The following TRABD variants were observed in gnomAD, a reference collection of about 807,000 sequenced individuals.
TRABD encodes the protein TraB domain containing.
A neutral mutation model predicts 39.6 loss-of-function variants in TRABD; 23 were observed. That is an observed-to-expected ratio of 0.58 (90% CI 0.42 to 0.82). The LOEUF (loss-of-function observed/expected upper bound fraction) is 0.82, where lower values mean the gene tolerates loss of function less well. Among genes scored for constraint, TRABD ranks in the 40% least tolerant of loss-of-function variants. The pLI is 0.00. For synonymous variants in TRABD, 243 were observed against 232.1 expected, an observed-to-expected ratio of 1.05 and a Z score of -0.43; for missense variants, 487 against 544.9, an observed-to-expected ratio of 0.89 and a Z score of 1.06.
At chr22:50,195,109 G>T (rs979883138) in intron 5 of TRABD, 69 bp downstream of exon 5, 27 of 1,488,620 alleles carry the variant, frequency 1.8e-5, no homozygotes, top group Non-Finnish European at 3.6e-6. Flanking sequence ...TGTTGCCCAG[G>T]TTCCTCTCAC....
At chr22:50,189,687 G>A (rs1048140317) in intron 1 of TRABD, among the ~76,000 whole-genome samples, 7 of 152,012 alleles carry the variant, frequency 4.6e-5, no homozygotes, top group African/African-American at 1.5e-4. Flanking sequence ...TGGCTGCAGC[G>A]TGCGCTGGCC....
chr22:50,186,316 TG>T (rs555924091), intron 1 of TRABD, among the ~76,000 whole-genome samples: 4 of 20,304 alleles, frequency 2.0e-4, no homozygotes, highest in Non-Finnish European at 2.8e-4. Context: ...GGCAGGTCGT[TG>T]GGGGGGCCAG....
intron 1 of TRABD, among the ~76,000 whole-genome samples, chr22:50,191,347 A>G (rs752348337): frequency 1.3e-5 from 2 of 152,048 alleles, no homozygotes; most frequent in Non-Finnish European, 2.9e-5. Flanking sequence ...TCCTGTTCAC[A>G]GGTTAGGACA....
intron 7 of TRABD, 58 bp from the exon 8 acceptor site, chr22:50,197,765 C>CCCCCCCCCCCCCCCCGGTG: frequency 1.3e-6 from 1 of 754,058 alleles, no homozygotes; most frequent in Non-Finnish European, 2.2e-6. Context: ...ACAGTGCCAG[C>CCCCCCCCCCCCCCCCGGTG]CCCACCCCCC....
At position 50,197,244 on chromosome 22, in the gene TRABD, G is replaced by T. The variant is rs372645034; in HGVS notation, c.424G>T (p.Gly142Trp). Residue 142 changes from glycine to tryptophan, a missense_variant, in exon 6 of 10, where the codon GGG becomes TGG. Physicochemically the swap from Gly to Trp is radical, Grantham distance 184. This residue lies in a region of TRABD where 358 missense variants were observed against 414.7 expected (regional missense o/e 0.86). Transcript: ENST00000380909. ...EKLQQAVRQNGLMSGLMQMLL... is the reference protein window; with the variant it reads ...EKLQQAVRQNWLMSGLMQMLL... The stretch of plus-strand genomic sequence containing the variant: ...TGCCTGCTCCCTCTCTCTGCAGAAC[G>T]GGCTCATGTCGGGGCTGATGCAGAT... The T allele has an allele frequency of 6.2e-7, 1 of 1,612,578 alleles. No individual in the cohort carries two copies. Among genetic ancestry groups the T allele is most frequent in the Non-Finnish European group, 8.5e-7 (1 of 1,179,842 alleles).
chr22:50,187,919 G>C (rs936982017), intron 1 of TRABD, among the ~76,000 whole-genome samples: 1 of 151,560 alleles, frequency 6.6e-6, no homozygotes, highest in African/African-American at 2.4e-5. Flanking sequence ...GGCAGAGCTT[G>C]CAGTGAGCCG....
At position 50,198,103 on chromosome 22, in the gene TRABD, GGTCGTGGGC is replaced by G. The variant is rs746790898; in HGVS notation, c.883_891del (p.Val295_Gly297del). The stretch of plus-strand genomic sequence containing the variant: ...AGCCCAGGAAGTGCGTCCCCTCCGT[GGTCGTGGGC>G]GTCGTGGGCATGGGCCACGTGCCTG... On this transcript the variant is annotated inframe_deletion, in exon 9 of 10. Coordinates refer to ENST00000380909, the MANE Select transcript of TRABD (RefSeq NM_001320485.2). This position sits in a 1 kb window ranked among gnomAD's most constrained non-coding sequence, Gnocchi z 7.9. 8.7e-6 allele frequency: 14 copies of G among 1,612,678 alleles called. No individual in the cohort carries two copies. The highest frequency in any genetic ancestry group is 1.7e-5 in the Admixed American group (1 of 59,954).
In TRABD at chr22:50,198,396, C is replaced by T. The variant is rs369984265; in HGVS notation, c.1008C>T (p.Ala336=). ...SGRVSRLAVK[A]AFFGLLGYSL... ...GAGTGTCTCGGTTGGCCGTGAAGGC[C>T]GCCTTCTTCGGCCTGCTGGGCTACA... The change falls in exon 10 of 10, where the codon GCC becomes GCT. Residue 336 remains alanine, a synonymous_variant. Coordinates refer to ENST00000380909, the MANE Select transcript of TRABD (RefSeq NM_001320485.2). The surrounding 1 kb of genome is among the most constrained non-coding windows in gnomAD (Gnocchi z 7.9). 3.4e-5 allele frequency: 54 copies of T among 1,594,758 alleles called. No homozygotes were observed. In the African/African-American group the frequency reaches 5.0e-4, roughly 15 times the overall value.
rs1602479705 is a variant in TRABD at position 50,199,242 on chromosome 22, C to G, written c.*723C>G. On this transcript the variant is annotated 3_prime_UTR_variant, in exon 10 of 10. Transcript: ENST00000380909. ...ACATCAGCTCTGGGTCCAGGCGTGG[C>G]CTCAGCTGGGAGCCTGTGTCCTGAG... The G allele has an allele frequency of 3.0e-6, 2 of 657,920 alleles. No individual in the cohort carries two copies. The highest frequency in any genetic ancestry group is 5.6e-5 in the East Asian group (2 of 36,002). 40.8% of individuals were successfully genotyped at this position (657,920 alleles called of 1,614,324 possible).
At chr22:50,192,971 C>A in intron 1 of TRABD, 56 bp from the exon 2 acceptor site, 1 of 1,487,986 alleles carries the variant, frequency 6.7e-7, no homozygotes, top group South Asian at 1.2e-5. Context: ...CGCAGTGAGT[C>A]CTGAGCCAGG....
chr22:50,194,983 G>A lies in TRABD; in HGVS notation c.363G>A (p.Thr121=), dbSNP rs757643612. 46 of 1,610,966 alleles carry A rather than the reference G, an allele frequency of 2.9e-5. No homozygotes were observed. The highest frequency in any genetic ancestry group is 4.0e-5 in the African/African-American group (3 of 74,932). Residue 121 remains threonine, a synonymous_variant, in exon 5 of 10, where the codon ACG becomes ACA. Coordinates refer to ENST00000380909, the MANE Select transcript of TRABD (RefSeq NM_001320485.2). The part of the protein sequence containing the change: ...RVSMLKMDES[T]LLREAQELSL... Reference sequence around the variant, plus strand: ...CCATGCTGAAGATGGACGAGAGCACGCTGCTGCGGGAGGCCCAGGAGCTCA... The same window carrying A: ...CCATGCTGAAGATGGACGAGAGCACACTGCTGCGGGAGGCCCAGGAGCTCA...
intron 7 of TRABD, 74 bp from the exon 8 acceptor site, chr22:50,197,749 G>A: frequency 6.3e-7 from 1 of 1,582,118 alleles, no homozygotes; most frequent in Non-Finnish European, 8.6e-7. Context: ...TCCCTGCCCG[G>A]TGTCCACAGT....
chr22:50,198,536 C>A lies in TRABD; in HGVS notation c.*17C>A. 1 of 1,509,630 alleles carries A rather than the reference C, an allele frequency of 6.6e-7. No homozygotes were observed. The highest frequency in any genetic ancestry group is 2.4e-5 in the East Asian group (1 of 42,480). The allele number at this position is 1,509,630 out of a possible 1,614,324, so 93.5% of individuals were successfully genotyped here. On this transcript the variant is annotated 3_prime_UTR_variant, in exon 10 of 10. Coordinates refer to ENST00000380909, the MANE Select transcript of TRABD (RefSeq NM_001320485.2). The surrounding 1 kb of genome is among the most constrained non-coding windows in gnomAD (Gnocchi z 7.9). ...CACAAGTAGGAGACTGCTCCCCGCCCGCTCGGGCCCCTGAGGAGCCAGTGC... is the reference window on the plus strand; with the variant it reads ...CACAAGTAGGAGACTGCTCCCCGCCAGCTCGGGCCCCTGAGGAGCCAGTGC...
At position 50,199,281 on chromosome 22, in the gene TRABD, G is replaced by T; in HGVS notation, c.*762G>T. The T allele has an allele frequency of 1.7e-6, 1 of 595,482 alleles. No homozygotes were observed. The highest frequency in any genetic ancestry group is 2.9e-5 in the Admixed American group (1 of 33,950). 36.9% of individuals were successfully genotyped at this position (595,482 alleles called of 1,614,324 possible). ...CTGTGTCCTGAGCCCCCGGAGCGAA[G>T]GGGTGCCTGGGGCATCTTGGCCCTC... On this transcript the variant is annotated 3_prime_UTR_variant, in exon 10 of 10. Coordinates refer to ENST00000380909, the MANE Select transcript of TRABD (RefSeq NM_001320485.2).
Position 50,197,520 on chromosome 22 carries a change from C to T in TRABD, c.603C>T (p.Ile201=), listed in dbSNP as rs139568052. ...TCCCCGTCACCTTCAAGAGGGCCAT[C>T]GCAGCGCTCTCCTTCTGGCAGAAGG... ...RPIPVTFKRA[I]AALSFWQKVR... is the part of the protein sequence containing the mutation. Residue 201 remains isoleucine (I), a synonymous_variant, in exon 7 of 10, where the codon ATC becomes ATT. Transcript: ENST00000380909. The T allele has an allele frequency of 1.8e-5, 29 of 1,613,768 alleles. No homozygotes were observed. Among genetic ancestry groups the T allele is most frequent in the African/African-American group, 1.5e-4 (11 of 75,048 alleles).
intron 1 of TRABD, chr22:50,191,748 T>C (rs1475481690): frequency 6.6e-6 from 1 of 152,118 alleles, no homozygotes; most frequent in Non-Finnish European, 1.5e-5. Context: ...TCATTTTTAT[T>C]TTTTACTTTT....
chr22:50,198,709 T>C lies in TRABD; in HGVS notation c.*190T>C, dbSNP rs2064220105. 9 of 594,270 alleles carry C rather than the reference T, an allele frequency of 1.5e-5. No individual in the cohort carries two copies. In the South Asian group the frequency reaches 1.9e-4, roughly 12 times the overall value. 36.8% of individuals were successfully genotyped at this position (594,270 alleles called of 1,614,324 possible). On this transcript the variant is annotated 3_prime_UTR_variant, in exon 10 of 10. Coordinates refer to ENST00000380909, the MANE Select transcript of TRABD (RefSeq NM_001320485.2). This position sits in a 1 kb window ranked among gnomAD's most constrained non-coding sequence, Gnocchi z 7.9. Reference sequence around the variant, plus strand: ...CCAAATAAAGGATTATTTAACTGTCTGAGCTCAGGCCTCCCGGCAGCCCCT... The same window carrying C: ...CCAAATAAAGGATTATTTAACTGTCCGAGCTCAGGCCTCCCGGCAGCCCCT...
Position 50,193,673 on chromosome 22 carries a change from C to T in TRABD, c.112+19C>T. Reference sequence around the variant, plus strand: ...AACCTGTGTACGTGTCCCTCAGGGTCCTGGCACGTTCCCCGGTGTTGGGCT... The same window carrying T: ...AACCTGTGTACGTGTCCCTCAGGGTTCTGGCACGTTCCCCGGTGTTGGGCT... On this transcript the variant is annotated intron_variant, in intron 3 of 9. Transcript: ENST00000380909. 2 of 1,611,384 alleles carry T rather than the reference C, an allele frequency of 1.2e-6. No individual in the cohort carries two copies. Among genetic ancestry groups the T allele is most frequent in the Non-Finnish European group, 1.7e-6 (2 of 1,177,842 alleles).
At position 50,197,592 on chromosome 22, in the gene TRABD, G is replaced by A; in HGVS notation, c.671+4G>A. ...GCTTCCTGTCAGACCCCATCAGGTAGGGCTGCCCCCGGGACCCTGGCCGGC... is the reference window on the plus strand; with the variant it reads ...GCTTCCTGTCAGACCCCATCAGGTAAGGCTGCCCCCGGGACCCTGGCCGGC... On this transcript the variant is annotated splice_donor_region_variant and intron_variant, in intron 7 of 9. Transcript: ENST00000380909. The A allele has an allele frequency of 6.2e-7, 1 of 1,612,552 alleles. No individual in the cohort carries two copies. The highest frequency in any genetic ancestry group is 8.5e-7 in the Non-Finnish European group (1 of 1,179,638).
Sources: allele counts gnomAD v4.1 joint callset (sites outside exome capture counted in the v4.1 genomes callset), GRCh38; gene constraint gnomAD v4.1.1; regional missense constraint gnomAD v4.1.1; non-coding constraint Gnocchi (gnomAD v3.1); transcripts MANE v1.5; gene names NCBI Gene and HGNC (gene_info 2026-07-23, HGNC 2026-07-21).